The following BRI3 variants were observed in gnomAD, a reference collection of about 807,000 sequenced individuals.
BRI3 encodes the protein brain protein I3.
Under a neutral mutation model 12.8 loss-of-function variants are expected in BRI3, and 6 were observed. The observed-to-expected ratio is 0.47, with a 90% CI of 0.26 to 0.93. The LOEUF is 0.93. BRI3 is among the 40% of genes least tolerant of loss of function. The probability of loss-of-function intolerance (pLI) is 0.15; values close to 1 mark genes in which losing one functional copy is unlikely to be tolerated. For synonymous variants in BRI3, 91 were observed against 76.1 expected, an observed-to-expected ratio of 1.20 and a Z score of -1.02; for missense variants, 134 against 171.1, an observed-to-expected ratio of 0.78 and a Z score of 1.21.
chr7:98,282,060 G>C lies in BRI3; in HGVS notation c.142+123G>C. The C allele has an allele frequency of 2.3e-6, 3 of 1,289,742 alleles. No individual in the cohort carries two copies. In the South Asian group the frequency reaches 6.1e-5, roughly 26 times the overall value. The allele number at this position is 1,289,742 out of a possible 1,614,324, so 79.9% of individuals were successfully genotyped here. A position where few individuals can be genotyped will look rare whatever the true frequency, so the allele number is the denominator to read the frequency against. ...CCTTCCTGGAGCTGGAGGTCCCCGG[G>C]CTGGCTTCGGGACCCGGCGCCGCCG... On this transcript the variant is annotated intron_variant, in intron 1 of 2. Coordinates refer to ENST00000297290, the MANE Select transcript of BRI3 (RefSeq NM_015379.5).
chr7:98,281,720 C>CGCCGCCGCCGCCGCG lies in BRI3; in HGVS notation c.-75_-61dup. On this transcript the variant is annotated 5_prime_UTR_variant, in exon 1 of 3. Transcript: ENST00000297290. ...CGAGCCACCCGGTCCGCCGCGTCCC[C>CGCCGCCGCCGCCGCG]GCCGCCGCCGCCGCGTCCCCCGCCG... The CGCCGCCGCCGCCGCG allele has an allele frequency of 3.8e-6, 2 of 532,630 alleles. No individual in the cohort carries two copies. The highest frequency in any genetic ancestry group is 2.4e-6 in the Non-Finnish European group (1 of 422,290). The allele number at this position is 532,630 out of a possible 1,614,324, so 33.0% of individuals were successfully genotyped here.
chr7:98,321,912 A>C, the BRI3 span, among the ~76,000 whole-genome samples: 1 of 152,100 alleles, frequency 6.6e-6, no homozygotes, highest in Non-Finnish European at 1.5e-5. Flanking sequence ...CCTGGCCAAC[A>C]CGGTGAAACC....
At chr7:98,293,640 G>C, downstream of BRI3, 1 of 1,577,008 alleles carries the variant, frequency 6.3e-7, no homozygotes, top group Non-Finnish European at 8.7e-7. Flanking sequence ...TGCTCTACGA[G>C]GGAAACTGGA....
downstream of BRI3, among the ~76,000 whole-genome samples, chr7:98,294,885 C>T (rs945674451): frequency 6.6e-6 from 1 of 152,184 alleles, no homozygotes; most frequent in African/African-American, 2.4e-5. Context: ...CACCTGCCAC[C>T]CAGGGCGAGC....
At chr7:98,292,710 G>A, downstream of BRI3, 1 of 1,551,654 alleles carries the variant, frequency 6.4e-7, no homozygotes. Flanking sequence ...GGAGAAACCA[G>A]GACCCCGAGC....
chr7:98,307,744 G>A (rs766661364), exon 2 of BRI3: 1 of 1,614,118 alleles, frequency 6.2e-7, no homozygotes, highest in Admixed American at 1.7e-5. Context: ...TCGGGGATGA[G>A]CAGCGTGATG....
intron 1 of BRI3, chr7:98,307,497 G>A (rs2116858188): frequency 6.3e-6 from 9 of 1,431,694 alleles, no homozygotes; most frequent in Non-Finnish European, 8.2e-6. Context: ...TGCACCAAAT[G>A]TATCTCTACA....
At chr7:98,287,829 C>T (rs1370287616) in intron 2 of BRI3, among the ~76,000 whole-genome samples, 1 of 152,216 alleles carries the variant, frequency 6.6e-6, no homozygotes, top group African/African-American at 2.4e-5. Context: ...ACCATCACAC[C>T]TGGATGTCTC....
chr7:98,284,389 C>T (rs968043112), intron 2 of BRI3, among the ~76,000 whole-genome samples: 1 of 152,332 alleles, frequency 6.6e-6, no homozygotes, highest in African/African-American at 2.4e-5. Flanking sequence ...GGATGGGCCC[C>T]TGTGCCCTGT....
At chr7:98,290,054 G>A (rs965010676) in intron 2 of BRI3, among the ~76,000 whole-genome samples, 11 of 152,102 alleles carry the variant, frequency 7.2e-5, no homozygotes, top group African/African-American at 1.9e-4. Flanking sequence ...ACCCACCCCC[G>A]CTACCAAAGG....
chr7:98,309,100 T>C (rs1281251378), exon 2 of BRI3: 1 of 152,030 alleles, frequency 6.6e-6, no homozygotes, highest in African/African-American at 2.4e-5. Flanking sequence ...AACATAAACC[T>C]GCGCCCCCTT....
At chr7:98,285,905 A>AG (rs2116712346) in intron 2 of BRI3, among the ~76,000 whole-genome samples, 1 of 152,234 alleles carries the variant, frequency 6.6e-6, no homozygotes, top group African/African-American at 2.4e-5. Flanking sequence ...CCTCTGAGGA[A>AG]GCCCTGCGTC....
At chr7:98,288,889 A>C (rs533600572) in intron 2 of BRI3, among the ~76,000 whole-genome samples, 1 of 151,378 alleles carries the variant, frequency 6.6e-6, no homozygotes, top group East Asian at 2.0e-4. Flanking sequence ...ACGGTGTCCT[A>C]CTCCACTGGA....
the BRI3 span, among the ~76,000 whole-genome samples, chr7:98,317,747 G>A: frequency 2.0e-4 from 24 of 122,358 alleles, no homozygotes; most frequent in East Asian, 1.5e-3. Context: ...GGCTGGGGAC[G>A]CTCACCACAC....
At chr7:98,291,595 C>T, downstream of BRI3, 1 of 1,010,234 alleles carries the variant, frequency 9.9e-7, no homozygotes, top group Admixed American at 4.8e-5. Flanking sequence ...CCCATCGCTC[C>T]CCCGGCCAGT....
chr7:98,296,572 T>C (rs1800200656), downstream of BRI3, among the ~76,000 whole-genome samples: 1 of 152,116 alleles, frequency 6.6e-6, no homozygotes, highest in Non-Finnish European at 1.5e-5. Context: ...TGTGGTGAGC[T>C]GAGATTGCAC....
downstream of BRI3, among the ~76,000 whole-genome samples, chr7:98,295,159 A>G (rs1347403499): frequency 1.3e-5 from 2 of 152,236 alleles, no homozygotes; most frequent in Non-Finnish European, 2.9e-5. Flanking sequence ...TGCCAGCGCT[A>G]GAGCGCAGGC....
exon 2 of BRI3, chr7:98,308,144 T>C (rs191549448): frequency 1.6e-6 from 1 of 631,924 alleles, no homozygotes; most frequent in Non-Finnish European, 2.9e-6. Context: ...GGCTGCGGGC[T>C]CTTTTCCAGG....
the BRI3 span, chr7:98,317,237 A>G: frequency 1.2e-6 from 2 of 1,614,236 alleles, no homozygotes; most frequent in Admixed American, 3.3e-5. Context: ...CTTTGTGTTC[A>G]TATTTGAGTG....
Sources: allele counts gnomAD v4.1 joint callset (sites outside exome capture counted in the v4.1 genomes callset), GRCh38; gene constraint gnomAD v4.1.1; transcripts MANE v1.5; gene names NCBI Gene and HGNC (gene_info 2026-07-23, HGNC 2026-07-21).